DAAM2: variants seen among roughly 807,000 people sequenced by gnomAD.
DAAM2 encodes the protein dishevelled associated activator of morphogenesis 2.
In DAAM2, 39 loss-of-function variants were observed where a neutral mutation model predicts 120.7. The observed-to-expected ratio is 0.32, with a 90% CI of 0.25 to 0.42. DAAM2 has a LOEUF of 0.42. Among genes scored for constraint, DAAM2 ranks in the 10% least tolerant of loss-of-function variants. The pLI is 1.00. For synonymous variants in DAAM2, 488 were observed against 524.9 expected (o/e 0.93, Z 0.96); for missense variants, 1,283 against 1,401.7 (o/e 0.92, Z 1.35).
At chr6:39,842,302 CAG>C (rs1409581077) in intron 1 of DAAM2, among the ~76,000 whole-genome samples, 1 of 152,170 alleles carries the variant, frequency 6.6e-6, no homozygotes, top group Non-Finnish European at 1.5e-5. Flanking sequence ...CTCATGGACT[CAG>C]AGTCTAGATG....
intron 1 of DAAM2, among the ~76,000 whole-genome samples, chr6:39,849,252 T>G (rs1023947253): frequency 1.3e-5 from 2 of 152,180 alleles, no homozygotes; most frequent in African/African-American, 4.8e-5. Flanking sequence ...GCATGACTGT[T>G]CCAGTAAAAC....
chr6:39,816,230 T>A (rs1299152690), intron 1 of DAAM2, among the ~76,000 whole-genome samples: 1 of 152,258 alleles, frequency 6.6e-6, no homozygotes, highest in Non-Finnish European at 1.5e-5. Flanking sequence ...TCACAGGTAA[T>A]GCTGATACTG....
At chr6:39,845,014 C>G (rs1336598601) in intron 1 of DAAM2, among the ~76,000 whole-genome samples, 1 of 141,482 alleles carries the variant, frequency 7.1e-6, no homozygotes. Context: ...ACATACACAC[C>G]CCCCCACACA....
chr6:39,806,992 T>C (rs989040052), intron 1 of DAAM2, among the ~76,000 whole-genome samples: 2 of 152,176 alleles, frequency 1.3e-5, no homozygotes, highest in African/African-American at 2.4e-5. Flanking sequence ...ATGCATTTAC[T>C]GTAAGACCCA....
At position 39,823,425 on chromosome 6, in the gene DAAM2, A is replaced by G. The variant is rs553462923; in HGVS notation, c.-57+30960A>G. ...ATGGACCTAGGCCAGAGACTCAGAG[A>G]GGAACAGGCAAGTCAGGAAAAACGA... On this transcript the variant is annotated intron_variant, in intron 1 of 24. Transcript: ENST00000274867. 9.2e-5 allele frequency among the ~76,000 whole-genome samples: 14 copies of G among 152,298 alleles called. No homozygotes were observed. In the South Asian group the frequency reaches 1.9e-3, roughly 20 times the overall value.
Position 39,896,934 on chromosome 6 carries a change from G to A in DAAM2, c.2464G>A (p.Val822Met). ...GQRGGAYGFRVASLNKIADTK... is the reference protein window; with the variant it reads ...GQRGGAYGFRMASLNKIADTK... The stretch of plus-strand genomic sequence containing the variant: ...GCGTGGGGGCGCCTACGGGTTCCGG[G>A]TGGCCAGCCTCAACAAGATCGCTGA... The change falls in exon 20 of 25, where the codon GTG becomes ATG. Residue 822 changes from valine (V) to methionine (M), a missense_variant. Coordinates refer to ENST00000274867, the MANE Select transcript of DAAM2 (RefSeq NM_001201427.2). 1 of 1,613,416 alleles carries A rather than the reference G, an allele frequency of 6.2e-7. No homozygotes were observed. The highest frequency in any genetic ancestry group is 1.3e-5 in the African/African-American group (1 of 75,018).
rs146924289 is a variant in DAAM2, at chr6:39,851,397, C to T, written c.-56-4850C>T. Among the ~76,000 whole-genome samples, 540 of 152,222 alleles carry T rather than the reference C, an allele frequency of 3.5e-3. 3 individuals carry two copies. Among genetic ancestry groups the T allele is most frequent in the African/African-American group, 0.012 (502 of 41,534 alleles). ...TGTTGTTGCATTTTTGGTTTTTTCT[C>T]CATAAGTTCTATAAAATGAAGCCAG... is the stretch of plus-strand genomic sequence containing the variant. On this transcript the variant is annotated intron_variant, in intron 1 of 24. Transcript: ENST00000274867.
chr6:39,900,361 A>G (rs1354233440), intron 23 of DAAM2, among the ~76,000 whole-genome samples, 153 bp downstream of exon 23: 1 of 152,234 alleles, frequency 6.6e-6, no homozygotes, highest in East Asian at 1.9e-4. Flanking sequence ...AAGACAAGCA[A>G]TGATAACCAC....
At chr6:39,805,847 C>T (rs949847974) in intron 1 of DAAM2, among the ~76,000 whole-genome samples, 10 of 152,230 alleles carry the variant, frequency 6.6e-5, no homozygotes, top group East Asian at 1.9e-4. Flanking sequence ...CCACCGTGCC[C>T]GGCCCCTAAG....
chr6:39,838,787 T>C (rs1203951765), intron 1 of DAAM2, among the ~76,000 whole-genome samples: 2 of 152,188 alleles, frequency 1.3e-5, no homozygotes, highest in African/African-American at 2.4e-5. Context: ...GCCTCCTGAG[T>C]AGCTGAGATT....
chr6:39,860,758 T>C (rs895549260), intron 2 of DAAM2, among the ~76,000 whole-genome samples, 170 bp from the exon 3 acceptor site: 8 of 152,180 alleles, frequency 5.3e-5, no homozygotes, highest in African/African-American at 1.9e-4. Context: ...GATGGGGCTG[T>C]ATCTCTGATA....
chr6:39,887,644 G>A (rs1562055717), intron 16 of DAAM2, 52 bp downstream of exon 16: 2 of 1,280,192 alleles, frequency 1.6e-6, no homozygotes, highest in East Asian at 4.8e-5. Flanking sequence ...CAAAGGGGGT[G>A]GAGGAACGGA....
At chr6:39,838,499 A>T (rs1225710763) in intron 1 of DAAM2, among the ~76,000 whole-genome samples, 6 of 152,130 alleles carry the variant, frequency 3.9e-5, no homozygotes, top group Admixed American at 2.0e-4. Flanking sequence ...TGGTTGGTCG[A>T]GGCCTTGCCT....
At position 39,886,170 on chromosome 6, in the gene DAAM2, C is replaced by T. The variant is rs141029253; in HGVS notation, c.1954-1316C>T. 1.7e-3 allele frequency: 653 copies of T among 375,036 alleles called. 6 individuals carry two copies. In the East Asian group the frequency reaches 0.025, roughly 14 times the overall value. The allele number at this position is 375,036 out of a possible 1,614,324, so 23.2% of individuals were successfully genotyped here. A position where few individuals can be genotyped will look rare whatever the true frequency, so the allele number is the denominator to read the frequency against. On this transcript the variant is annotated intron_variant, in intron 15 of 24. Transcript: ENST00000274867. ...TGCCCTAACTGGGGAGTGGTGGTCG[C>T]ACTAGGCAGATGGGAGGAGCTGCCT...
chr6:39,801,215 T>C (rs1226277409), intron 1 of DAAM2, among the ~76,000 whole-genome samples: 1 of 152,208 alleles, frequency 6.6e-6, no homozygotes, highest in East Asian at 1.9e-4. Context: ...TGTCAGGATA[T>C]GAAAAAGTAC....
intron 1 of DAAM2, among the ~76,000 whole-genome samples, chr6:39,806,345 C>T (rs778904331): frequency 1.3e-5 from 2 of 152,132 alleles, no homozygotes; most frequent in African/African-American, 2.4e-5. Flanking sequence ...ATGGTCAATA[C>T]GTGGTGCTTC....
At chr6:39,811,742 G>T (rs1051729309) in intron 1 of DAAM2, among the ~76,000 whole-genome samples, 1 of 152,174 alleles carries the variant, frequency 6.6e-6, no homozygotes, top group African/African-American at 2.4e-5. Flanking sequence ...GTTTGCCCAG[G>T]TTACTAGAGC....
chr6:39,853,187 C>T (rs540249805), intron 1 of DAAM2, among the ~76,000 whole-genome samples: 9 of 152,298 alleles, frequency 5.9e-5, no homozygotes, highest in Non-Finnish European at 7.4e-5. Flanking sequence ...CCTCCATTTT[C>T]GGATCTCTAC....
rs1427426349 is a variant in DAAM2, at chr6:39,878,017, A to G, written c.1302-186A>G. Among the ~76,000 whole-genome samples the G allele has an allele frequency of 1.3e-5, 2 of 152,200 alleles. No individual in the cohort carries two copies. Among genetic ancestry groups the G allele is most frequent in the Non-Finnish European group, 2.9e-5 (2 of 68,038 alleles). ...CTTTTCTCTCACGGTCTCCACAGAC[A>G]CATAATGTGAACGGGGCAGGGGACC... is the stretch of plus-strand genomic sequence containing the variant. On this transcript the variant is annotated intron_variant, in intron 11 of 24. Transcript: ENST00000274867. The surrounding 1 kb of genome is among the most constrained non-coding windows in gnomAD (Gnocchi z 5.0).
Sources: allele counts gnomAD v4.1 joint callset (sites outside exome capture counted in the v4.1 genomes callset), GRCh38; gene constraint gnomAD v4.1.1; non-coding constraint Gnocchi (gnomAD v3.1); transcripts MANE v1.5; gene names NCBI Gene and HGNC (gene_info 2026-07-23, HGNC 2026-07-21).